The following ARSB variants were observed in gnomAD, a reference collection of about 807,000 sequenced individuals.
The protein encoded by ARSB is arylsulfatase B, also known as N-acetylgalactosamine-4-sulfatase.
In ARSB, 41 loss-of-function variants were observed where a neutral mutation model predicts 50.9. The ratio of observed to expected loss-of-function variants is 0.81; its 90% CI spans 0.63 to 1.04. The LOEUF (loss-of-function observed/expected upper bound fraction) is 1.04, where lower values mean the gene tolerates loss of function less well. Among genes scored for constraint, ARSB ranks in the 50% least tolerant of loss-of-function variants. The probability of loss-of-function intolerance (pLI) is 0.00; values close to 1 mark genes in which losing one functional copy is unlikely to be tolerated. For synonymous variants in ARSB, 269 were observed against 284.8 expected, an observed-to-expected ratio of 0.94 and a Z score of 0.56; for missense variants, 672 against 693.3, an observed-to-expected ratio of 0.97 and a Z score of 0.35.
intron 2 of ARSB, 133 bp downstream of exon 2, chr5:78,968,873 G>GC: frequency 2.0e-6 from 2 of 1,009,014 alleles, no homozygotes; most frequent in East Asian, 5.0e-5. Flanking sequence ...TTAGAAAGCA[G>GC]CCCCATTACA....
At chr5:78,933,283 T>C (rs1021597227) in intron 4 of ARSB, among the ~76,000 whole-genome samples, 4 of 152,212 alleles carry the variant, frequency 2.6e-5, no homozygotes, top group African/African-American at 9.6e-5. Flanking sequence ...TACAGCTTCC[T>C]ACGTATTTTT....
intron 5 of ARSB, among the ~76,000 whole-genome samples, chr5:78,863,525 C>T (rs747556600): frequency 5.6e-5 from 8 of 142,752 alleles, no homozygotes; most frequent in Non-Finnish European, 1.0e-4. Context: ...CCAAACACTG[C>T]ATGTTCTCAC....
Position 78,825,723 on chromosome 5 carries a change from A to G in ARSB, c.1213+13633T>C, listed in dbSNP as rs112237199. ...TTATTTTTTTCTTTTTTGAGAAAGA[A>G]GCTAAAAGTCAGCTATAAGCACTGA... is the stretch of plus-strand genomic sequence containing the variant. On this transcript the variant is annotated intron_variant, in intron 6 of 7. Coordinates refer to ENST00000264914, the MANE Select transcript of ARSB (RefSeq NM_000046.5). 2.3e-3 allele frequency among the ~76,000 whole-genome samples: 353 copies of G among 152,348 alleles called. 1 individual carries two copies. The highest frequency in any genetic ancestry group is 4.6e-3 in the Admixed American group (70 of 15,306).
At chr5:78,924,319 T>C (rs1749953473) in intron 4 of ARSB, among the ~76,000 whole-genome samples, 1 of 152,214 alleles carries the variant, frequency 6.6e-6, no homozygotes, top group Non-Finnish European at 1.5e-5. Flanking sequence ...TAGTAAGTGG[T>C]AGAATGAGGG....
chr5:78,885,373 T>C, intron 5 of ARSB: 1 of 717,106 alleles, frequency 1.4e-6, no homozygotes, highest in Non-Finnish European at 2.1e-6. Context: ...ACAATCTTGT[T>C]CTTCACGTAA....
intron 3 of ARSB, 40 bp downstream of exon 3, chr5:78,964,376 T>C: frequency 6.3e-7 from 1 of 1,581,140 alleles, no homozygotes; most frequent in South Asian, 1.1e-5. Context: ...GACATTAGTG[T>C]AACAAGATTT....
intron 6 of ARSB, among the ~76,000 whole-genome samples, chr5:78,782,581 A>G (rs1234816179): frequency 6.6e-6 from 1 of 152,190 alleles, no homozygotes; most frequent in African/African-American, 2.4e-5. Context: ...TTAATTTATC[A>G]TTTTTGAGAT....
chr5:78,782,598 T>C (rs1580963456), intron 6 of ARSB, among the ~76,000 whole-genome samples: 1 of 152,232 alleles, frequency 6.6e-6, no homozygotes, highest in Admixed American at 6.5e-5. Flanking sequence ...AGATCTTAAT[T>C]GATCATCAGG....
chr5:78,841,545 G>A (rs1745214284), intron 5 of ARSB, among the ~76,000 whole-genome samples: 1 of 152,062 alleles, frequency 6.6e-6, no homozygotes, highest in Non-Finnish European at 1.5e-5. Flanking sequence ...TGGACTATAG[G>A]TTGAAAACTC....
At chr5:78,843,018 A>C (rs1447460284) in intron 5 of ARSB, among the ~76,000 whole-genome samples, 2 of 152,188 alleles carry the variant, frequency 1.3e-5, no homozygotes, top group Non-Finnish European at 2.9e-5. Flanking sequence ...GGAAGCTTTT[A>C]AATCCCAGAT....
intron 6 of ARSB, among the ~76,000 whole-genome samples, chr5:78,790,326 C>T (rs1478812175): frequency 6.6e-6 from 1 of 152,020 alleles, no homozygotes; most frequent in Non-Finnish European, 1.5e-5. Context: ...CCTCCCTAGG[C>T]CTCAGTTTCA....
chr5:78,861,019 G>A (rs180829845), intron 5 of ARSB, among the ~76,000 whole-genome samples: 4 of 152,272 alleles, frequency 2.6e-5, no homozygotes, highest in Admixed American at 2.6e-4. Context: ...TAGAAGAAAT[G>A]GATAAATTCC....
At chr5:78,980,594 C>T (rs1252982507) in intron 1 of ARSB, among the ~76,000 whole-genome samples, 3 of 151,942 alleles carry the variant, frequency 2.0e-5, no homozygotes. Context: ...AACAAACAAA[C>T]AAAATAGGAG....
At chr5:78,816,149 T>C in intron 6 of ARSB, 1 of 1,614,116 alleles carries the variant, frequency 6.2e-7, no homozygotes, top group African/African-American at 1.3e-5. Flanking sequence ...CCTGAAGATA[T>C]ACAGATTTCT....
intron 3 of ARSB, among the ~76,000 whole-genome samples, chr5:78,958,715 T>C (rs1484137651): frequency 6.6e-6 from 1 of 151,712 alleles, no homozygotes; most frequent in Non-Finnish European, 1.5e-5. Flanking sequence ...TCCTTATTGT[T>C]CTTCTTCTGT....
intron 5 of ARSB, chr5:78,883,321 A>G (rs1747853970): frequency 6.6e-6 from 1 of 152,236 alleles, no homozygotes; most frequent in Non-Finnish European, 1.5e-5. Flanking sequence ...TTAGCTGTTC[A>G]GTGGCATTAC....
rs1289935189 is a variant in ARSB at position 78,850,999 on chromosome 5, T to A, written c.1143-11573A>T. On this transcript the variant is annotated intron_variant, in intron 5 of 7. Coordinates refer to ENST00000264914, the MANE Select transcript of ARSB (RefSeq NM_000046.5). ...CGGTCTATCAATTTTGTTGATCTTT[T>A]CAAAAAACCAGCTCCTGGATTCATT... is the stretch of plus-strand genomic sequence containing the variant. 2.0e-5 allele frequency among the ~76,000 whole-genome samples: 3 copies of A among 152,336 alleles called. No individual in the cohort carries two copies. In the South Asian group the frequency reaches 6.2e-4, roughly 32 times the overall value.
chr5:78,848,628 C>T (rs1414625240), intron 5 of ARSB, among the ~76,000 whole-genome samples: 1 of 151,786 alleles, frequency 6.6e-6, no homozygotes, highest in Non-Finnish European at 1.5e-5. Context: ...AGTTCTAGAT[C>T]CCTGAGGAAT....
At chr5:78,888,016 A>G (rs898017114) in intron 4 of ARSB, among the ~76,000 whole-genome samples, 1 of 152,222 alleles carries the variant, frequency 6.6e-6, no homozygotes, top group Non-Finnish European at 1.5e-5. Flanking sequence ...GGCGCCCTTA[A>G]CACACCAGTT....
Sources: allele counts gnomAD v4.1 joint callset (sites outside exome capture counted in the v4.1 genomes callset), GRCh38; gene constraint gnomAD v4.1.1; transcripts MANE v1.5; gene names NCBI Gene and HGNC (gene_info 2026-07-23, HGNC 2026-07-21).